Variants in RAB3GAP1 observed in about 807,000 individuals in gnomAD.
RAB3GAP1 encodes the protein RAB3 GTPase activating protein catalytic subunit 1, also known as rab3 GTPase-activating protein catalytic subunit.
In RAB3GAP1, 86 loss-of-function variants were observed where a neutral mutation model predicts 130.7. That is an observed-to-expected ratio of 0.66 (90% CI 0.55 to 0.79). RAB3GAP1 has a LOEUF of 0.79. Ranked by LOEUF, RAB3GAP1 falls within the 30% of genes least tolerant of loss-of-function variation. The pLI is 0.00. For missense variants in RAB3GAP1, 1,029 were observed against 1,169.4 expected (o/e 0.88, Z 1.75); for synonymous variants, 367 against 401.7 (o/e 0.91, Z 1.03).
At chr2:135,141,228 C>CTTTTT (rs1553447802) in intron 17 of RAB3GAP1, among the ~76,000 whole-genome samples, 2 of 132,460 alleles carry the variant, frequency 1.5e-5, no homozygotes, top group South Asian at 2.4e-4. Context: ...TCACTTACTT[C>CTTTTT]TTTTTTTTTT....
At chr2:135,071,526 G>A (rs994685526) in intron 3 of RAB3GAP1, among the ~76,000 whole-genome samples, 1 of 144,858 alleles carries the variant, frequency 6.9e-6, no homozygotes, top group Non-Finnish European at 1.5e-5. Flanking sequence ...CAAGACAGTC[G>A]TAGGTTAAAA....
chr2:135,168,879 C>A lies in RAB3GAP1; in HGVS notation c.*98C>A. 1 of 1,030,942 alleles carries A rather than the reference C, an allele frequency of 9.7e-7. No individual in the cohort carries two copies. Among genetic ancestry groups the A allele is most frequent in the Non-Finnish European group, 1.5e-6 (1 of 656,162 alleles). The allele number at this position is 1,030,942 out of a possible 1,614,324, so 63.9% of individuals were successfully genotyped here. On this transcript the variant is annotated 3_prime_UTR_variant, in exon 24 of 24. Transcript: ENST00000264158. ...AGAACCTGGGAGGTCCTGGAGAGGG[C>A]CCTGTCCAGTTGGGTGATCAGGAAT...
intron 2 of RAB3GAP1, among the ~76,000 whole-genome samples, chr2:135,055,389 C>A (rs189437678): frequency 6.6e-6 from 1 of 152,282 alleles, no homozygotes; most frequent in Non-Finnish European, 1.5e-5. Context: ...TATTTTAAGA[C>A]ATTCCTGGCC....
At chr2:135,165,636 C>T (rs1237619431) in intron 23 of RAB3GAP1, among the ~76,000 whole-genome samples, 1 of 152,152 alleles carries the variant, frequency 6.6e-6, no homozygotes, top group African/African-American at 2.4e-5. Flanking sequence ...GCTCCCTAAA[C>T]CTCAGAATTT....
At chr2:135,132,528 A>G (rs1472019992) in intron 13 of RAB3GAP1, among the ~76,000 whole-genome samples, 1 of 152,112 alleles carries the variant, frequency 6.6e-6, no homozygotes. Context: ...GTGTTTTTAA[A>G]TTGTCTTTTG....
In RAB3GAP1 at chr2:135,120,947, TACTG is replaced by T. The variant is rs779029679; in HGVS notation, c.748+31_748+34del. On this transcript the variant is annotated intron_variant, in intron 8 of 23. Coordinates refer to ENST00000264158, the MANE Select transcript of RAB3GAP1 (RefSeq NM_012233.3). ...AGATCATTTAGAACTATATTTAACT[TACTG>T]AATATAAATGGAAAAGAAGATACAT... The T allele has an allele frequency of 3.6e-6, 5 of 1,394,080 alleles. No individual in the cohort carries two copies. The African/African-American group carries it at 7.1e-5, about 20-fold the overall frequency. The allele number at this position is 1,394,080 out of a possible 1,614,324, so 86.4% of individuals were successfully genotyped here. A position where few individuals can be genotyped will look rare whatever the true frequency, so the allele number is the denominator to read the frequency against.
intron 14 of RAB3GAP1, 38 bp from the exon 15 acceptor site, chr2:135,133,823 G>A (rs765606409): frequency 4.1e-5 from 64 of 1,579,830 alleles, no homozygotes; most frequent in Non-Finnish European, 5.6e-5. Flanking sequence ...AAATATTTTG[G>A]TAACAAGTTT....
chr2:135,127,430 G>A (rs536706386), intron 11 of RAB3GAP1, among the ~76,000 whole-genome samples: 39 of 151,796 alleles, frequency 2.6e-4, no homozygotes, highest in Non-Finnish European at 5.1e-4. Flanking sequence ...TGTAAGCTCC[G>A]CCTCCCGGGT....
At position 135,052,587 on chromosome 2, in the gene RAB3GAP1, G is replaced by A. The variant is rs553005881; in HGVS notation, c.74+102G>A. On this transcript the variant is annotated intron_variant, in intron 2 of 23. Transcript: ENST00000264158. The stretch of plus-strand genomic sequence containing the variant: ...ACCACAAGTGACGCCACTTGTGCGG[G>A]AACGGTAATACCGTGGGTCCCGGGT... 4.4e-4 allele frequency: 596 copies of A among 1,366,310 alleles called. 2 individuals are homozygous for A. The African/African-American group carries it at 7.4e-3, about 17-fold the overall frequency. 84.6% of individuals were successfully genotyped at this position (1,366,310 alleles called of 1,614,324 possible). A position where few individuals can be genotyped will look rare whatever the true frequency, so the allele number is the denominator to read the frequency against.
rs185230844 is a variant in RAB3GAP1, at chr2:135,075,195, C to T, written c.151-15803C>T. On this transcript the variant is annotated intron_variant, in intron 3 of 23. Transcript: ENST00000264158. ...GAAGGCTGTCCTGTGGAGCCAGTCC[C>T]CACTGTTTCCCTTGTTCTTTCTTTT... Among the ~76,000 whole-genome samples, 45 of 152,284 alleles carry T rather than the reference C, an allele frequency of 3.0e-4. 1 individual carries two copies. The highest frequency in any genetic ancestry group is 1.1e-3 in the African/African-American group (45 of 41,548).
At chr2:135,103,060 C>T (rs544950407) in intron 5 of RAB3GAP1, among the ~76,000 whole-genome samples, 2 of 62,860 alleles carry the variant, frequency 3.2e-5, no homozygotes, top group Non-Finnish European at 4.6e-5. Context: ...TTTTTTGAGA[C>T]GGAGTCTCGC....
chr2:135,168,640 T>C lies in RAB3GAP1; in HGVS notation c.2805T>C (p.Ala935=), dbSNP rs768226027. Residue 935 remains alanine (A), a synonymous_variant, in exon 24 of 24, where the codon GCT becomes GCC. Transcript: ENST00000264158. ...QNSVSDFPPP[A]GREFILRTTV... ...CCGTGTCAGACTTCCCACCCCCTGC[T>C]GGCCGGGAATTCATTTTGCGCACCA... 2 of 1,614,216 alleles carry C rather than the reference T, an allele frequency of 1.2e-6. No homozygotes were observed. Among genetic ancestry groups the C allele is most frequent in the South Asian group, 2.2e-5 (2 of 91,088 alleles).
chr2:135,107,387 T>C (rs1690658314), intron 5 of RAB3GAP1, among the ~76,000 whole-genome samples: 2 of 151,974 alleles, frequency 1.3e-5, no homozygotes, highest in African/African-American at 2.4e-5. Context: ...TTATAACATA[T>C]GTAATATGTA....
In RAB3GAP1 at chr2:135,052,331, T is replaced by C; in HGVS notation, c.18+6T>C. ...AGATGGCTGCCGACAGTGAGGTGATTTCTTTGCTCCCTACTTAATCCTTGT... is the reference window on the plus strand; with the variant it reads ...AGATGGCTGCCGACAGTGAGGTGATCTCTTTGCTCCCTACTTAATCCTTGT... On this transcript the variant is annotated splice_donor_region_variant and intron_variant, in intron 1 of 23. Coordinates refer to ENST00000264158, the MANE Select transcript of RAB3GAP1 (RefSeq NM_012233.3). 1 of 1,614,084 alleles carries C rather than the reference T, an allele frequency of 6.2e-7. No homozygotes were observed. Among genetic ancestry groups the C allele is most frequent in the Non-Finnish European group, 8.5e-7 (1 of 1,180,016 alleles).
At chr2:135,139,415 G>A (rs13413600) in intron 17 of RAB3GAP1, among the ~76,000 whole-genome samples, 4,102 of 151,860 alleles carry the variant, frequency 0.027, 166 homozygotes, top group African/African-American at 0.092. Context: ...GTGGTGTATG[G>A]CTGTAGACCC....
chr2:135,163,102 GT>G lies in RAB3GAP1; in HGVS notation c.2606+2del. On this transcript the variant is annotated splice_donor_variant, in intron 22 of 23. Coordinates refer to ENST00000264158, the MANE Select transcript of RAB3GAP1 (RefSeq NM_012233.3). LOFTEE classifies it high-confidence loss of function. ...AGGAGGAAAAGGAAGATCTTGAAAGGTAATTGCTATTTGGCTAATTCAGTTT... is the reference window on the plus strand; with the variant it reads ...AGGAGGAAAAGGAAGATCTTGAAAGGAATTGCTATTTGGCTAATTCAGTTT... 6.2e-7 allele frequency: 1 copy of G among 1,606,244 alleles called. No homozygotes were observed. The highest frequency in any genetic ancestry group is 8.5e-7 in the Non-Finnish European group (1 of 1,172,808).
rs112462932 is a variant in RAB3GAP1 at position 135,124,418 on chromosome 2, C to T, written c.830+172C>T. On this transcript the variant is annotated intron_variant, in intron 9 of 23. Transcript: ENST00000264158. ...CACAGGCTCATGCCTGTAATCCTAG[C>T]GCTCTGGGAGGCTGCGGTGGGCAGC... is the stretch of plus-strand genomic sequence containing the variant. 0.045 allele frequency among the ~76,000 whole-genome samples: 6,781 copies of T among 152,256 alleles called. 510 individuals are homozygous for T. The highest frequency in any genetic ancestry group is 0.16 in the African/African-American group (6,447 of 41,518).
At chr2:135,113,588 CA>C (rs899970310) in intron 6 of RAB3GAP1, among the ~76,000 whole-genome samples, 1 of 152,160 alleles carries the variant, frequency 6.6e-6, no homozygotes, top group African/African-American at 2.4e-5. Flanking sequence ...ACAAATGAAG[CA>C]AACTCCGAGC....
intron 5 of RAB3GAP1, among the ~76,000 whole-genome samples, chr2:135,111,834 A>G (rs1690809523): frequency 1.3e-5 from 2 of 152,206 alleles, no homozygotes; most frequent in African/African-American, 4.8e-5. Flanking sequence ...ACTTAGATAC[A>G]AAATGTTTAC....
Sources: allele counts gnomAD v4.1 joint callset (sites outside exome capture counted in the v4.1 genomes callset), GRCh38; gene constraint gnomAD v4.1.1; transcripts MANE v1.5; gene names NCBI Gene and HGNC (gene_info 2026-07-23, HGNC 2026-07-21).